THAP7: variants seen among roughly 807,000 people sequenced by gnomAD.
THAP7 encodes THAP domain containing 7.
THAP7 carries 22 observed loss-of-function variants against 29.2 expected under a neutral mutation model. The ratio of observed to expected loss-of-function variants is 0.75; its 90% CI spans 0.54 to 1.08. The LOEUF is 1.08. Ranked by LOEUF, THAP7 falls within the 50% of genes least tolerant of loss-of-function variation. The probability of loss-of-function intolerance (pLI) is 0.00; values close to 1 mark genes in which losing one functional copy is unlikely to be tolerated. For missense variants in THAP7, 448 were observed against 416.2 expected, an observed-to-expected ratio of 1.08 and a Z score of -0.66; for synonymous variants, 208 against 173.4, an observed-to-expected ratio of 1.20 and a Z score of -1.57.
chr22:21,000,291 G>T lies in THAP7; in HGVS notation c.519C>A (p.Ser173Arg), dbSNP rs1009461485. Residue 173 changes from serine (S) to arginine (R), a missense_variant, in exon 4 of 4, where the codon AGC becomes AGA. Ser to Arg is a moderately radical substitution (Grantham distance 110). Coordinates refer to ENST00000215742, the MANE Select transcript of THAP7 (RefSeq NM_030573.3). ...PAGRLEPGLS[S>R]PFSDLLGPLG... ...AGGGGCCCAGTAGGTCTGAAAAGGG[G>T]CTGCTAAGGCCAGGCTCCAGCCTCC... The T allele has an allele frequency of 7.7e-6, 12 of 1,556,618 alleles. No individual in the cohort carries two copies. The highest frequency in any genetic ancestry group is 1.0e-5 in the Non-Finnish European group (12 of 1,150,464).
chr22:21,001,102 GTGA>G lies in THAP7; in HGVS notation c.236+151_236+153del, dbSNP rs1251672365. 2.6e-6 allele frequency: 3 copies of G among 1,160,888 alleles called. No homozygotes were observed. The African/African-American group carries it at 4.6e-5, about 18-fold the overall frequency. 71.9% of individuals were successfully genotyped at this position (1,160,888 alleles called of 1,614,324 possible). On this transcript the variant is annotated intron_variant, in intron 2 of 3. Coordinates refer to ENST00000215742, the MANE Select transcript of THAP7 (RefSeq NM_030573.3). Reference sequence around the variant, plus strand: ...GTTTTCCCCTTGTGTCACAGGCACAGTGATCCTGGGGGTGGGTTTCACTGTGCA... The same window carrying G: ...GTTTTCCCCTTGTGTCACAGGCACAGTCCTGGGGGTGGGTTTCACTGTGCA...
chr22:21,001,552 C>T (rs1275164666), intron 1 of THAP7, 141 bp from the exon 2 acceptor site: 25 of 1,319,312 alleles, frequency 1.9e-5, no homozygotes, highest in African/African-American at 2.9e-5. Context: ...GCACCACCGC[C>T]CGGGCACAGA....
chr22:20,999,770 C>A lies in THAP7; in HGVS notation c.*110G>T. 3.8e-6 allele frequency: 5 copies of A among 1,311,950 alleles called. No homozygotes were observed. Among genetic ancestry groups the A allele is most frequent in the Non-Finnish European group, 5.1e-6 (5 of 975,740 alleles). 81.3% of individuals were successfully genotyped at this position (1,311,950 alleles called of 1,614,324 possible). The stretch of plus-strand genomic sequence containing the variant: ...GCCCCCAGCTGAGCCAGACAGCAGG[C>A]CCTCCGTCTAGAATCCGCTTTATTA... On this transcript the variant is annotated 3_prime_UTR_variant, in exon 4 of 4. Coordinates refer to ENST00000215742, the MANE Select transcript of THAP7 (RefSeq NM_030573.3).
chr22:21,001,441 G>A (rs1156902391), intron 1 of THAP7, 30 bp from the exon 2 acceptor site: 10 of 1,609,506 alleles, frequency 6.2e-6, no homozygotes, highest in Non-Finnish European at 8.5e-6. Context: ...TGAGCACCAG[G>A]CTGTCCACAG....
At chr22:21,001,701 C>T in intron 1 of THAP7, 131 bp downstream of exon 1, 2 of 1,103,584 alleles carry the variant, frequency 1.8e-6, no homozygotes, top group Non-Finnish European at 2.5e-6. Flanking sequence ...GACCGTTCCG[C>T]TTCACCTCCC....
At chr22:21,001,091 T>A (rs1183718223) in intron 2 of THAP7, 165 bp downstream of exon 2, 1 of 1,076,522 alleles carries the variant, frequency 9.3e-7, no homozygotes, top group Non-Finnish European at 1.3e-6. Context: ...TCCCCTTGTG[T>A]CACAGGCACA....
chr22:21,000,034 T>C lies in THAP7; in HGVS notation c.776A>G (p.Gln259Arg). 1.9e-6 allele frequency: 3 copies of C among 1,612,950 alleles called. No individual in the cohort carries two copies. Among genetic ancestry groups the C allele is most frequent in the Non-Finnish European group, 2.5e-6 (3 of 1,179,944 alleles). The stretch of plus-strand genomic sequence containing the variant: ...CCGCTGCTCCCGCCGCTTGCAGGCC[T>C]GCAGCTGGCGCTGGGCCTTGTCAAG... ...DALDKAQRQLQACKRREQRLR... is the reference protein window; with the variant it reads ...DALDKAQRQLRACKRREQRLR... The change falls in exon 4 of 4, where the codon CAG becomes CGG. Residue 259 changes from glutamine (Q) to arginine (R), a missense_variant. Physicochemically the swap from Gln to Arg is conservative, Grantham distance 43. Transcript: ENST00000215742.
intron 1 of THAP7, 94 bp downstream of exon 1, chr22:21,001,738 T>A (rs1364319328): frequency 1.5e-6 from 2 of 1,336,098 alleles, no homozygotes; most frequent in Non-Finnish European, 2.0e-6. Flanking sequence ...CTCCTCAGTA[T>A]CTGAGAAAGG....
intron 1 of THAP7, 159 bp downstream of exon 1, chr22:21,001,673 T>C: frequency 1.1e-6 from 1 of 918,430 alleles, no homozygotes; most frequent in Non-Finnish European, 1.6e-6. Flanking sequence ...CCTTCCCGAC[T>C]GCATTCAGTC....
intron 3 of THAP7, 67 bp from the exon 4 acceptor site, chr22:21,000,499 C>A (rs965362308): frequency 3.0e-5 from 46 of 1,542,454 alleles, no homozygotes; most frequent in Non-Finnish European, 3.9e-5. Context: ...CTCCACCAGC[C>A]CACCTGATCC....
At chr22:21,000,480 C>A in intron 3 of THAP7, 48 bp from the exon 4 acceptor site, 2 of 1,537,372 alleles carry the variant, frequency 1.3e-6, no homozygotes, top group South Asian at 2.4e-5. Flanking sequence ...GAGGGCTTGC[C>A]AGACCCCCCT....
At chr22:21,001,486 G>A in intron 1 of THAP7, 75 bp from the exon 2 acceptor site, 1 of 1,542,092 alleles carries the variant, frequency 6.5e-7, no homozygotes, top group Admixed American at 1.9e-5. Flanking sequence ...CCCCAGAGGG[G>A]AAACGCAGAC....
chr22:21,000,008 G>A lies in THAP7; in HGVS notation c.802C>T (p.Leu268=), dbSNP rs771416808. 7 of 1,612,632 alleles carry A rather than the reference G, an allele frequency of 4.3e-6. No homozygotes were observed. The highest frequency in any genetic ancestry group is 3.4e-6 in the Non-Finnish European group (4 of 1,179,936). The change falls in exon 4 of 4, where the codon CTG becomes TTG. Residue 268 remains leucine (L), a synonymous_variant. Coordinates refer to ENST00000215742, the MANE Select transcript of THAP7 (RefSeq NM_030573.3). The part of the protein sequence containing the change: ...LQACKRREQR[L]RLRLTKLQQE... ...TGCAGCTTGGTCAGTCTCAACCGCA[G>A]CCGCTGCTCCCGCCGCTTGCAGGCC...
chr22:21,001,056 A>T (rs1284345595), intron 2 of THAP7, 200 bp downstream of exon 2: 1 of 885,732 alleles, frequency 1.1e-6, no homozygotes, highest in Non-Finnish European at 1.7e-6. Context: ...GCTCTGAAAG[A>T]TACTCTCTGG....
At position 21,000,144 on chromosome 22, in the gene THAP7, G is replaced by T; in HGVS notation, c.666C>A (p.Ala222=). 1.9e-6 allele frequency: 3 copies of T among 1,598,536 alleles called. No homozygotes were observed. Among genetic ancestry groups the T allele is most frequent in the Non-Finnish European group, 2.6e-6 (3 of 1,173,016 alleles). The change falls in exon 4 of 4, where the codon GCC becomes GCA. Residue 222 remains alanine, a synonymous_variant. Transcript: ENST00000215742. The part of the protein sequence containing the change: ...SAYMLRLPPP[A]GAYIQNEHSY... ...TGTGTTCATTCTGGATGTAGGCTCC[G>T]GCGGGTGGGGGCAGGCGCAGCATAT...
rs1925008083 is a variant in THAP7 at position 20,999,220 on chromosome 22, G to A, written c.*660C>T. 1 of 152,262 alleles carries A rather than the reference G, an allele frequency of 6.6e-6. No homozygotes were observed. Among genetic ancestry groups the A allele is most frequent in the African/African-American group, 2.4e-5 (1 of 41,422 alleles). The allele number at this position is 152,262 out of a possible 1,614,324, so 9.4% of individuals were successfully genotyped here. ...TGCTGAGGCCAGGACCTGAGTGCTT[G>A]TCTCCATGTTCTGGCCACCTCTTCC... On this transcript the variant is annotated 3_prime_UTR_variant, in exon 4 of 4. Transcript: ENST00000215742.
At chr22:21,001,101 A>C in intron 2 of THAP7, 155 bp downstream of exon 2, 1 of 1,147,552 alleles carries the variant, frequency 8.7e-7, no homozygotes, top group Non-Finnish European at 1.2e-6. Context: ...TCACAGGCAC[A>C]GTGATCCTGG....
At position 20,999,220 on chromosome 22, in the gene THAP7, GTCTCCATGTTCTGGCCACC is replaced by G. The variant is rs1177472468; in HGVS notation, c.*641_*659del. On this transcript the variant is annotated 3_prime_UTR_variant, in exon 4 of 4. Coordinates refer to ENST00000215742, the MANE Select transcript of THAP7 (RefSeq NM_030573.3). The stretch of plus-strand genomic sequence containing the variant: ...TGCTGAGGCCAGGACCTGAGTGCTT[GTCTCCATGTTCTGGCCACC>G]TCTTCCTAGATTTCCAGGGACTAGC... 2.0e-5 allele frequency: 3 copies of G among 152,262 alleles called. No homozygotes were observed. Among genetic ancestry groups the G allele is most frequent in the African/African-American group, 7.2e-5 (3 of 41,422 alleles). The allele number at this position is 152,262 out of a possible 1,614,324, so 9.4% of individuals were successfully genotyped here. A position where few individuals can be genotyped will look rare whatever the true frequency, so the allele number is the denominator to read the frequency against.
Position 21,000,763 on chromosome 22 carries a change from C to T in THAP7, c.261G>A (p.Gly87=), listed in dbSNP as rs368537813. 3 of 1,614,184 alleles carry T rather than the reference C, an allele frequency of 1.9e-6. No individual in the cohort carries two copies. The highest frequency in any genetic ancestry group is 2.5e-6 in the Non-Finnish European group (3 of 1,180,030). ...AAGACTCAAATATGGTGGGGACTGC[C>T]CCCTCCTTTAGCCTGTGATATCCAC... is the stretch of plus-strand genomic sequence containing the variant. ...GISGYHRLKE[G]AVPTIFESFS... The change falls in exon 3 of 4, where the codon GGG becomes GGA. Residue 87 remains glycine (G), a synonymous_variant. Transcript: ENST00000215742.
Sources: allele counts gnomAD v4.1 joint callset, GRCh38; gene constraint gnomAD v4.1.1; transcripts MANE v1.5; gene names NCBI Gene and HGNC (gene_info 2026-07-23, HGNC 2026-07-21).